ARHGAP44: variants seen among roughly 807,000 people sequenced by gnomAD.
ARHGAP44 encodes Rho GTPase activating protein 44.
In ARHGAP44, 43 loss-of-function variants were observed where a neutral mutation model predicts 106.8. The ratio of observed to expected loss-of-function variants is 0.40; its 90% CI spans 0.32 to 0.52. ARHGAP44 has a LOEUF of 0.52. ARHGAP44 is among the 20% of genes least tolerant of loss of function. ARHGAP44 has a pLI of 0.48. For synonymous variants in ARHGAP44, 439 were observed against 410.3 expected (o/e 1.07, Z -0.85); for missense variants, 866 against 1,050.5 (o/e 0.82, Z 2.43).
At chr17:12,900,833 G>A (rs2150927037) in intron 3 of ARHGAP44, among the ~76,000 whole-genome samples, 1 of 151,580 alleles carries the variant, frequency 6.6e-6, no homozygotes, top group Non-Finnish European at 1.5e-5. Flanking sequence ...GTGAAAGGTA[G>A]CAGCACCAAA....
At chr17:12,801,053 T>A (rs986961893) in intron 1 of ARHGAP44, among the ~76,000 whole-genome samples, 1 of 152,238 alleles carries the variant, frequency 6.6e-6, no homozygotes, top group African/African-American at 2.4e-5. Flanking sequence ...TTGTTTTTTT[T>A]ATTGCAATTT....
intron 3 of ARHGAP44, among the ~76,000 whole-genome samples, chr17:12,906,153 A>G (rs943981623): frequency 6.6e-6 from 1 of 152,204 alleles, no homozygotes; most frequent in African/African-American, 2.4e-5. Flanking sequence ...ACCTTAAGTT[A>G]TGCCCTCTCT....
chr17:12,973,194 C>G (rs893296787), intron 16 of ARHGAP44, 108 bp from the exon 17 acceptor site: 1 of 1,157,440 alleles, frequency 8.6e-7, no homozygotes, highest in African/African-American at 1.6e-5. Context: ...AATCCCACCC[C>G]AAGACCCTGG....
chr17:12,920,860 TAGC>T (rs775045247), intron 6 of ARHGAP44, among the ~76,000 whole-genome samples: 2 of 152,116 alleles, frequency 1.3e-5, no homozygotes, highest in South Asian at 4.1e-4. Context: ...ATTCCTGTAG[TAGC>T]AGGCGGGTGC....
chr17:12,856,224 A>T (rs776409425), intron 1 of ARHGAP44, among the ~76,000 whole-genome samples: 2 of 151,932 alleles, frequency 1.3e-5, no homozygotes, highest in Non-Finnish European at 2.9e-5. Flanking sequence ...GTCTAGCCCC[A>T]CTAACTGTCC....
chr17:12,794,737 G>A (rs2150753028), intron 1 of ARHGAP44, among the ~76,000 whole-genome samples: 1 of 152,212 alleles, frequency 6.6e-6, no homozygotes, highest in African/African-American at 2.4e-5. Context: ...GGTTTCTGGT[G>A]CACAGCTTTG....
At chr17:12,851,670 G>A (rs916646384) in intron 1 of ARHGAP44, among the ~76,000 whole-genome samples, 1 of 152,054 alleles carries the variant, frequency 6.6e-6, no homozygotes, top group Non-Finnish European at 1.5e-5. Context: ...CCTGACCTCA[G>A]GTGATCCACC....
chr17:12,875,370 G>A (rs1031774719), intron 1 of ARHGAP44, among the ~76,000 whole-genome samples: 1 of 152,098 alleles, frequency 6.6e-6, no homozygotes, highest in African/African-American at 2.4e-5. Flanking sequence ...AAGGCAGGAG[G>A]ATTGCGTGAG....
chr17:12,895,448 A>T (rs2037176033), intron 2 of ARHGAP44, among the ~76,000 whole-genome samples: 1 of 152,134 alleles, frequency 6.6e-6, no homozygotes, highest in Non-Finnish European at 1.5e-5. Context: ...ACCAGTGATG[A>T]TGAGCATTTT....
chr17:12,805,540 A>G (rs2034248073), intron 1 of ARHGAP44, among the ~76,000 whole-genome samples: 1 of 151,542 alleles, frequency 6.6e-6, no homozygotes. Context: ...TGGCGTTAGA[A>G]TTATTAGTAG....
At position 12,805,999 on chromosome 17, in the gene ARHGAP44, C is replaced by T. The variant is rs182352658; in HGVS notation, c.53+16108C>T. On this transcript the variant is annotated intron_variant, in intron 1 of 20. Coordinates refer to ENST00000379672, the MANE Select transcript of ARHGAP44 (RefSeq NM_014859.6). Reference sequence around the variant, plus strand: ...TGACCTTCAGCAGAGGCAGTGGCAACGGACAGATGACCAAGGGTGGCCATC... The same window carrying T: ...TGACCTTCAGCAGAGGCAGTGGCAATGGACAGATGACCAAGGGTGGCCATC... 3.0e-4 allele frequency among the ~76,000 whole-genome samples: 46 copies of T among 152,284 alleles called. No homozygotes were observed. In the South Asian group the frequency reaches 3.5e-3, roughly 12 times the overall value.
At chr17:12,858,073 A>G (rs1248171386) in intron 1 of ARHGAP44, among the ~76,000 whole-genome samples, 2 of 152,164 alleles carry the variant, frequency 1.3e-5, no homozygotes, top group African/African-American at 4.8e-5. Flanking sequence ...ATTTACTCGC[A>G]GTTGGAAGGA....
chr17:12,807,930 A>G (rs996997975), intron 1 of ARHGAP44, among the ~76,000 whole-genome samples: 2 of 152,234 alleles, frequency 1.3e-5, no homozygotes, highest in Non-Finnish European at 2.9e-5. Flanking sequence ...TACTTCCCAG[A>G]TACAATGGTT....
At chr17:12,956,053 G>A in intron 14 of ARHGAP44, 73 bp downstream of exon 14, 1 of 1,092,956 alleles carries the variant, frequency 9.1e-7, no homozygotes, top group Non-Finnish European at 1.4e-6. Context: ...GGGCAGGACA[G>A]CTGGGGCCTA....
intron 1 of ARHGAP44, among the ~76,000 whole-genome samples, chr17:12,821,453 C>T (rs2034768111): frequency 6.6e-6 from 1 of 152,172 alleles, no homozygotes; most frequent in Non-Finnish European, 1.5e-5. Context: ...GCTCTTTCAG[C>T]TGTGATATCC....
At chr17:12,905,299 T>C (rs1337908391) in intron 3 of ARHGAP44, among the ~76,000 whole-genome samples, 3 of 152,174 alleles carry the variant, frequency 2.0e-5, no homozygotes, top group African/African-American at 7.2e-5. Context: ...AGAATTCACT[T>C]AATTCTGTCC....
chr17:12,803,813 G>T (rs151064050), intron 1 of ARHGAP44, among the ~76,000 whole-genome samples: 1 of 151,488 alleles, frequency 6.6e-6, no homozygotes, highest in African/African-American at 2.4e-5. Flanking sequence ...TGTTCTGTGG[G>T]GAAAAAAATC....
At chr17:12,862,292 C>A (rs2036109669) in intron 1 of ARHGAP44, among the ~76,000 whole-genome samples, 1 of 152,096 alleles carries the variant, frequency 6.6e-6, no homozygotes, top group Non-Finnish European at 1.5e-5. Flanking sequence ...GGGAGCAAGA[C>A]CATGTCTCAG....
chr17:12,973,605 AG>A, intron 17 of ARHGAP44: 1 of 529,034 alleles, frequency 1.9e-6, no homozygotes, highest in South Asian at 2.7e-5. Flanking sequence ...AGTTACAAAA[AG>A]AAGGATTCAT....
Sources: allele counts gnomAD v4.1 joint callset (sites outside exome capture counted in the v4.1 genomes callset), GRCh38; gene constraint gnomAD v4.1.1; transcripts MANE v1.5; gene names NCBI Gene and HGNC (gene_info 2026-07-23, HGNC 2026-07-21).